SDK1: variants seen among roughly 807,000 people sequenced by gnomAD.
SDK1 encodes the protein protein sidekick-1.
A neutral mutation model predicts 245.5 loss-of-function variants in SDK1; 157 were observed. The observed-to-expected ratio is 0.64, with a 90% CI of 0.56 to 0.73. SDK1 has a LOEUF of 0.73. Ranked by LOEUF, SDK1 falls within the 30% of genes least tolerant of loss-of-function variation. The probability of loss-of-function intolerance (pLI) is 0.00; values close to 1 mark genes in which losing one functional copy is unlikely to be tolerated. For missense variants in SDK1, 3,583 were observed against 3,002.3 expected, an observed-to-expected ratio of 1.19 and a Z score of -4.52; for synonymous variants, 1,647 against 1,278.5, an observed-to-expected ratio of 1.29 and a Z score of -6.15.
chr7:3,321,778 C>CTCCTTCCTTCCTTCCTTCCTTCCTTCCT (rs1186428883), intron 1 of SDK1, among the ~76,000 whole-genome samples: 36 of 50,372 alleles, frequency 7.1e-4, no homozygotes, highest in East Asian at 3.5e-3. Context: ...TTCCTTCCTT[C>CTCCTTCCTTCCTTCCTTCCTTCCTTCCT]TCCTTCCTTC....
intron 1 of SDK1, among the ~76,000 whole-genome samples, chr7:3,412,862 C>T (rs1328614398): frequency 6.6e-6 from 1 of 152,186 alleles, no homozygotes; most frequent in Non-Finnish European, 1.5e-5. Context: ...AATCACTGTG[C>T]TTTCAACCTA....
chr7:3,529,063 A>T lies in SDK1; in HGVS notation c.299-90017A>T, dbSNP rs545464184. On this transcript the variant is annotated intron_variant, in intron 1 of 44. Coordinates refer to ENST00000404826, the MANE Select transcript of SDK1 (RefSeq NM_152744.4). ...AAGTAAATATATTGAGGGTAAAGGG[A>T]ACTAGGTTTATCATCAACAGATAAG... 6.6e-5 allele frequency among the ~76,000 whole-genome samples: 10 copies of T among 152,244 alleles called. No individual in the cohort carries two copies. In the South Asian group the frequency reaches 2.1e-3, roughly 32 times the overall value.
At position 3,328,944 on chromosome 7, in the gene SDK1, G is replaced by C. The variant is rs1780001065; in HGVS notation, c.298+27060G>C. Among the ~76,000 whole-genome samples, 2 of 152,068 alleles carry C rather than the reference G, an allele frequency of 1.3e-5. 1 individual carries two copies. Among genetic ancestry groups the C allele is most frequent in the South Asian group, 4.1e-4 (2 of 4,826 alleles). ...AAGAAAATCAAAAGGTAGATTCCTAGCATGGAAATGTAAGGAATCATTTAA... is the reference window on the plus strand; with the variant it reads ...AAGAAAATCAAAAGGTAGATTCCTACCATGGAAATGTAAGGAATCATTTAA... On this transcript the variant is annotated intron_variant, in intron 1 of 44. Transcript: ENST00000404826.
At chr7:4,109,292 C>T (rs1441042901) in intron 22 of SDK1, among the ~76,000 whole-genome samples, 1 of 152,146 alleles carries the variant, frequency 6.6e-6, no homozygotes, top group Admixed American at 6.5e-5. Context: ...CTTTGCCTTT[C>T]GAGTTCTCTA....
At chr7:3,996,685 T>C (rs1201671547) in intron 14 of SDK1, among the ~76,000 whole-genome samples, 1 of 152,232 alleles carries the variant, frequency 6.6e-6, no homozygotes, top group Non-Finnish European at 1.5e-5. Context: ...TGTTTAGATA[T>C]TTATTTTCCA....
At chr7:3,950,864 C>A in intron 5 of SDK1, 59 bp from the exon 6 acceptor site, 2 of 1,311,814 alleles carry the variant, frequency 1.5e-6, no homozygotes, top group Non-Finnish European at 2.1e-6. Flanking sequence ...CCTCAGATAA[C>A]GGCGGGGGGT....
intron 4 of SDK1, among the ~76,000 whole-genome samples, chr7:3,789,741 T>C (rs1781021338): frequency 6.6e-6 from 1 of 151,974 alleles, no homozygotes; most frequent in Admixed American, 6.6e-5. Flanking sequence ...GAAAAGGGAT[T>C]GGAGAGGAGG....
chr7:3,570,078 C>T (rs1260923618), intron 1 of SDK1, among the ~76,000 whole-genome samples: 2 of 152,198 alleles, frequency 1.3e-5, no homozygotes, highest in African/African-American at 2.4e-5. Flanking sequence ...ACAACTGGCT[C>T]CTACTTCTCT....
At chr7:3,727,599 T>C (rs1216613502) in intron 4 of SDK1, among the ~76,000 whole-genome samples, 1 of 152,130 alleles carries the variant, frequency 6.6e-6, no homozygotes, top group Non-Finnish European at 1.5e-5. Context: ...CAAGCAATTC[T>C]CCAGCCTCAG....
At chr7:3,411,008 T>A (rs760464333) in intron 1 of SDK1, among the ~76,000 whole-genome samples, 1 of 152,148 alleles carries the variant, frequency 6.6e-6, no homozygotes, top group Non-Finnish European at 1.5e-5. Flanking sequence ...GGAAGCTGTT[T>A]TGCTTATTAA....
intron 13 of SDK1, 119 bp from the exon 14 acceptor site, chr7:3,987,067 T>C: frequency 1.0e-6 from 1 of 969,656 alleles, no homozygotes; most frequent in Non-Finnish European, 1.6e-6. Flanking sequence ...TTGGGCATAT[T>C]TTATGTTATT....
chr7:4,111,439 G>T (rs891488276), intron 23 of SDK1, among the ~76,000 whole-genome samples: 1 of 151,836 alleles, frequency 6.6e-6, no homozygotes, highest in African/African-American at 2.4e-5. Context: ...GAGAATGAAA[G>T]AATAGGAATT....
chr7:3,899,732 G>A (rs1420750615), intron 5 of SDK1, among the ~76,000 whole-genome samples: 4 of 152,212 alleles, frequency 2.6e-5, no homozygotes, highest in Admixed American at 2.6e-4. Flanking sequence ...TGTGGGCCAT[G>A]CTGCATCTCT....
intron 1 of SDK1, among the ~76,000 whole-genome samples, chr7:3,482,770 A>G (rs1176818929): frequency 1.3e-5 from 2 of 152,206 alleles, no homozygotes; most frequent in East Asian, 3.9e-4. Context: ...CCAATATTCA[A>G]GGCATTACTG....
At chr7:3,804,019 C>T (rs971104968) in intron 4 of SDK1, among the ~76,000 whole-genome samples, 1 of 152,182 alleles carries the variant, frequency 6.6e-6, no homozygotes, top group African/African-American at 2.4e-5. Flanking sequence ...CTGCCTTGGC[C>T]TCCCAAAGTG....
chr7:4,086,589 G>C (rs913944611), intron 22 of SDK1, among the ~76,000 whole-genome samples: 2 of 152,138 alleles, frequency 1.3e-5, no homozygotes, highest in Admixed American at 1.3e-4. Flanking sequence ...AGCCGGGGCA[G>C]GTCAAGTCCT....
chr7:3,430,459 G>A (rs148861643), intron 1 of SDK1, among the ~76,000 whole-genome samples: 84 of 152,098 alleles, frequency 5.5e-4, no homozygotes, highest in Admixed American at 1.1e-3. Flanking sequence ...AGCTTCGTCC[G>A]CCTCATCTGT....
chr7:4,055,637 A>T (rs539212164), intron 19 of SDK1, among the ~76,000 whole-genome samples: 1 of 150,888 alleles, frequency 6.6e-6, no homozygotes, highest in African/African-American at 2.4e-5. Flanking sequence ...AACTTTATTG[A>T]TTTCTGCTCT....
intron 4 of SDK1, among the ~76,000 whole-genome samples, chr7:3,654,083 A>C (rs1407656652): frequency 6.6e-6 from 1 of 152,162 alleles, no homozygotes; most frequent in East Asian, 1.9e-4. Flanking sequence ...TCTGTAACTT[A>C]GAGAGGACGT....
Sources: allele counts gnomAD v4.1 joint callset (sites outside exome capture counted in the v4.1 genomes callset), GRCh38; gene constraint gnomAD v4.1.1; transcripts MANE v1.5; gene names NCBI Gene and HGNC (gene_info 2026-07-23, HGNC 2026-07-21).